The following CRACDL variants were observed in gnomAD, a reference collection of about 807,000 sequenced individuals.
The protein encoded by CRACDL is CRACD like.
Under a neutral mutation model 70.6 loss-of-function variants are expected in CRACDL, and 26 were observed. The ratio of observed to expected loss-of-function variants is 0.37; its 90% CI spans 0.27 to 0.51. CRACDL has a LOEUF of 0.51. CRACDL is among the 20% of genes least tolerant of loss of function. The pLI, the probability that CRACDL is intolerant of heterozygous loss-of-function variation, is 0.94. For missense variants in CRACDL, 1,283 were observed against 1,376.9 expected (o/e 0.93, Z 1.08); for synonymous variants, 618 against 615.2 (o/e 1.00, Z -0.07).
In CRACDL at chr2:98,822,052, C is replaced by A; in HGVS notation, c.2221G>T (p.Ala741Ser). The change falls in exon 7 of 10, where the codon GCC becomes TCC. Residue 741 changes from alanine to serine, a missense_variant. Ala to Ser is a moderately conservative substitution (Grantham distance 99). Coordinates refer to ENST00000397899, the MANE Select transcript of CRACDL (RefSeq NM_207362.3). The surrounding 1 kb of genome is among the most constrained non-coding windows in gnomAD (Gnocchi z 4.9). ...TTCCCCTTTCCTTGGTCGCTGGGGG[C>A]CCTGGTGCCTCGAAGGGCGGGGGCC... is the stretch of plus-strand genomic sequence containing the variant. ...GTAPALRGTRAPSDQGKGKAR... is the reference protein window; with the variant it reads ...GTAPALRGTRSPSDQGKGKAR... The A allele has an allele frequency of 6.5e-7, 1 of 1,547,418 alleles. No homozygotes were observed. Among genetic ancestry groups the A allele is most frequent in the African/African-American group, 1.4e-5 (1 of 72,996 alleles).
intron 1 of CRACDL, among the ~76,000 whole-genome samples, chr2:98,913,942 C>T (rs1355428232): frequency 6.6e-6 from 1 of 152,238 alleles, no homozygotes; most frequent in African/African-American, 2.4e-5. Context: ...ATGGTTTACG[C>T]TTTATGCGCA....
chr2:98,907,091 A>G (rs1708434169), intron 1 of CRACDL, among the ~76,000 whole-genome samples: 1 of 152,124 alleles, frequency 6.6e-6, no homozygotes, highest in East Asian at 1.9e-4. Context: ...CAGGAGTTCA[A>G]GACCAGCCTG....
intron 3 of CRACDL, among the ~76,000 whole-genome samples, chr2:98,833,288 A>T (rs893383057): frequency 1.3e-5 from 2 of 152,250 alleles, no homozygotes; most frequent in Admixed American, 6.5e-5. Flanking sequence ...GGTGCAAGAC[A>T]GCAAGCCTGC....
intron 1 of CRACDL, among the ~76,000 whole-genome samples, chr2:98,928,943 G>A (rs1010129227): frequency 1.3e-5 from 2 of 152,060 alleles, no homozygotes; most frequent in Non-Finnish European, 2.9e-5. Flanking sequence ...CTCAGAGACC[G>A]AATCACCCAG....
At chr2:98,795,077 A>ATATATTTTTTTTTTTTTTTTT in intron 9 of CRACDL, among the ~76,000 whole-genome samples, 6 of 58,494 alleles carry the variant, frequency 1.0e-4, no homozygotes, top group African/African-American at 2.0e-4. Flanking sequence ...ATATATATAT[A>ATATATTTTTTTTTTTTTTTTT]TTTTTTTTTT....
intron 1 of CRACDL, among the ~76,000 whole-genome samples, chr2:98,881,523 G>GTGTGT (rs757588813): frequency 1.9e-4 from 29 of 152,218 alleles, no homozygotes; most frequent in Non-Finnish European, 3.5e-4. Context: ...TGGGGCAAGG[G>GTGTGT]TGTGTAATTT....
At chr2:98,844,833 T>C (rs1706182781) in intron 2 of CRACDL, among the ~76,000 whole-genome samples, 1 of 152,228 alleles carries the variant, frequency 6.6e-6, no homozygotes, top group Non-Finnish European at 1.5e-5. Context: ...TATTTGCTTC[T>C]GAAAAGTACC....
chr2:98,848,704 C>A (rs562945955), intron 1 of CRACDL, among the ~76,000 whole-genome samples: 6 of 152,254 alleles, frequency 3.9e-5, no homozygotes, highest in East Asian at 1.9e-4. Context: ...CCACCTCAGC[C>A]CCCCCACAAA....
chr2:98,822,877 T>C lies in CRACDL; in HGVS notation c.1396A>G (p.Thr466Ala). 6.8e-7 allele frequency: 1 copy of C among 1,467,600 alleles called. No homozygotes were observed. 90.9% of individuals were successfully genotyped at this position (1,467,600 alleles called of 1,614,324 possible). The change falls in exon 7 of 10, where the codon ACG becomes GCG. Residue 466 changes from threonine (T) to alanine (A), a missense_variant. Physicochemically the swap from Thr to Ala is moderately conservative, Grantham distance 58 (BLOSUM62 0). Coordinates refer to ENST00000397899, the MANE Select transcript of CRACDL (RefSeq NM_207362.3). The surrounding 1 kb of genome is among the most constrained non-coding windows in gnomAD (Gnocchi z 4.9). ...PAPEPEREAE[T>A]EPERGAGTEP... ...GTCCCCGCTCCTCTCTCGGGCTCCG[T>C]CTCCGCTTCTCTCTCGGGCTCAGGC... is the stretch of plus-strand genomic sequence containing the variant.
Position 98,864,633 on chromosome 2 carries a change from G to A in CRACDL, c.-10-17823C>T, listed in dbSNP as rs184870293. Among the ~76,000 whole-genome samples, 5 of 148,864 alleles carry A rather than the reference G, an allele frequency of 3.4e-5. No homozygotes were observed. The East Asian group carries it at 9.9e-4, about 30-fold the overall frequency. ...ACGATCTCGGCTCACTGCAACCTCC[G>A]CCTCCTAGGTTCAAGCAATTCTCCT... On this transcript the variant is annotated intron_variant, in intron 1 of 9. Coordinates refer to ENST00000397899, the MANE Select transcript of CRACDL (RefSeq NM_207362.3).
chr2:98,897,114 A>G (rs1175221129), intron 1 of CRACDL, among the ~76,000 whole-genome samples: 1 of 151,732 alleles, frequency 6.6e-6, no homozygotes, highest in Non-Finnish European at 1.5e-5. Flanking sequence ...CTGCTCCTTT[A>G]TAGCCACACA....
chr2:98,897,867 C>G (rs1165553904), intron 1 of CRACDL, among the ~76,000 whole-genome samples: 3 of 152,246 alleles, frequency 2.0e-5, no homozygotes, highest in African/African-American at 7.2e-5. Context: ...TCCAGGCGGA[C>G]AGTCCCAGGA....
chr2:98,895,410 G>A (rs776311135), intron 1 of CRACDL, among the ~76,000 whole-genome samples: 7 of 152,154 alleles, frequency 4.6e-5, no homozygotes, highest in Non-Finnish European at 7.3e-5. Flanking sequence ...ACAGGTGAAC[G>A]GAAAACATAC....
chr2:98,825,861 A>G (rs544840641), intron 6 of CRACDL, among the ~76,000 whole-genome samples: 1 of 152,352 alleles, frequency 6.6e-6, no homozygotes, highest in South Asian at 2.1e-4. Context: ...CCATATGCCC[A>G]AAGGAAAACT....
At chr2:98,801,505 G>A (rs1704074129) in intron 7 of CRACDL, among the ~76,000 whole-genome samples, 1 of 152,222 alleles carries the variant, frequency 6.6e-6, no homozygotes, top group African/African-American at 2.4e-5. Context: ...AGGGGCCTAG[G>A]AGGCCTCTCT....
chr2:98,827,582 A>G lies in CRACDL; in HGVS notation c.541-413T>C, dbSNP rs546850498. 1.4e-4 allele frequency among the ~76,000 whole-genome samples: 21 copies of G among 152,146 alleles called. 1 individual carries two copies. The South Asian group carries it at 3.7e-3, about 27-fold the overall frequency. ...TGGGATTACAGGTGTGAGCCACCGC[A>G]CCCGGCCAATACTTTCAATTTGATT... is the stretch of plus-strand genomic sequence containing the variant. On this transcript the variant is annotated intron_variant, in intron 5 of 9. Transcript: ENST00000397899.
chr2:98,932,877 C>G (rs1047478163), intron 1 of CRACDL, among the ~76,000 whole-genome samples: 5 of 152,154 alleles, frequency 3.3e-5, no homozygotes, highest in Non-Finnish European at 7.3e-5. Flanking sequence ...ACAGCCCTGC[C>G]CCACAGGTAG....
chr2:98,841,215 A>G (rs1237782598), intron 2 of CRACDL, among the ~76,000 whole-genome samples: 1 of 152,102 alleles, frequency 6.6e-6, no homozygotes, highest in Non-Finnish European at 1.5e-5. Context: ...GAGTTTTGGT[A>G]TCTAATCTAA....
In CRACDL at chr2:98,796,190, C is replaced by T; in HGVS notation, c.2679G>A (p.Arg893=). Residue 893 remains arginine (R), a synonymous_variant, in exon 9 of 10, where the codon CGG becomes CGA. Coordinates refer to ENST00000397899, the MANE Select transcript of CRACDL (RefSeq NM_207362.3). ...LITPVKPAVD[R]KQGAKLNFKE... ...TGAAGTTGAGCTTTGCCCCCTGCTTCCGGTCCACAGCGGGCTTCACAGGGG... is the reference window on the plus strand; with the variant it reads ...TGAAGTTGAGCTTTGCCCCCTGCTTTCGGTCCACAGCGGGCTTCACAGGGG... 6.2e-7 allele frequency: 1 copy of T among 1,614,108 alleles called. No homozygotes were observed. The highest frequency in any genetic ancestry group is 8.5e-7 in the Non-Finnish European group (1 of 1,179,920).
Sources: gnomAD v4.1 joint callset for allele counts (sites outside exome capture counted in the v4.1 genomes callset) on GRCh38, gnomAD v4.1.1 for gene constraint, Gnocchi (gnomAD v3.1) non-coding constraint, MANE v1.5 for transcripts, NCBI Gene and HGNC (gene_info 2026-07-23, HGNC 2026-07-21) for gene names.